Variants in PAAF1 observed in about 807,000 individuals in gnomAD.
The protein encoded by PAAF1 is proteasomal ATPase-associated factor 1.
PAAF1 carries 46 observed loss-of-function variants against 52.8 expected under a neutral mutation model. The observed-to-expected ratio is 0.87, with a 90% CI of 0.69 to 1.11. The LOEUF (loss-of-function observed/expected upper bound fraction) is 1.11, where lower values mean the gene tolerates loss of function less well. Ranked by LOEUF, PAAF1 falls within the 50% of genes most tolerant of loss-of-function variation. PAAF1 has a pLI of 0.00. For missense variants in PAAF1, 424 were observed against 477.4 expected, an observed-to-expected ratio of 0.89 and a Z score of 1.04; for synonymous variants, 178 against 172.8, an observed-to-expected ratio of 1.03 and a Z score of -0.24.
intron 6 of PAAF1, 105 bp downstream of exon 6, chr11:73,900,525 A>T: frequency 7.5e-7 from 1 of 1,331,928 alleles, no homozygotes; most frequent in Non-Finnish European, 1.0e-6. Context: ...CAAATAATCC[A>T]TCCAGCTGGG....
intron 10 of PAAF1, among the ~76,000 whole-genome samples, chr11:73,922,816 CAAAA>C (rs372724683): frequency 7.7e-5 from 6 of 77,706 alleles, no homozygotes; most frequent in Non-Finnish European, 1.4e-4. Flanking sequence ...GACTCCGTCT[CAAAA>C]AAAAAAAAAA....
chr11:73,895,459 G>C (rs1949319612), intron 4 of PAAF1, among the ~76,000 whole-genome samples: 1 of 152,206 alleles, frequency 6.6e-6, no homozygotes, highest in African/African-American at 2.4e-5. Context: ...TACTAAGTTA[G>C]CAGTCCTTTT....
Position 73,909,461 on chromosome 11 carries a change from A to T in PAAF1, c.595A>T (p.Thr199Ser). Residue 199 changes from threonine to serine, a missense_variant, in exon 7 of 12, where the codon ACA (threonine) becomes TCA (serine). Transcript: ENST00000310571. ...TGTGGTGTCTGCTTCTCGAGATGGG[A>T]CAGCACGACTTTGGGATTGTGGGCG... The part of the protein sequence containing the change: ...RNVVSASRDG[T>S]ARLWDCGRSA... 6.2e-7 allele frequency: 1 copy of T among 1,614,072 alleles called. No homozygotes were observed. Among genetic ancestry groups the T allele is most frequent in the Middle Eastern group, 1.6e-4 (1 of 6,062 alleles).
intron 6 of PAAF1, among the ~76,000 whole-genome samples, chr11:73,906,258 T>A (rs903481975): frequency 7.2e-6 from 1 of 139,710 alleles, no homozygotes; most frequent in Admixed American, 7.2e-5. Context: ...TTTAGTTTTG[T>A]TTGTTTGTTT....
intron 4 of PAAF1, among the ~76,000 whole-genome samples, chr11:73,892,162 A>G (rs1949218197): frequency 6.6e-6 from 1 of 152,082 alleles, no homozygotes; most frequent in Non-Finnish European, 1.5e-5. Flanking sequence ...GTCTCTACAG[A>G]AAAATACAAA....
rs979004585 is a variant in PAAF1 at position 73,929,375 on chromosome 11, ATTT to A, written c.*2018_*2020del. 2.0e-5 allele frequency: 3 copies of A among 152,056 alleles called. No individual in the cohort carries two copies. Among genetic ancestry groups the A allele is most frequent in the African/African-American group, 7.2e-5 (3 of 41,402 alleles). 9.4% of individuals were successfully genotyped at this position (152,056 alleles called of 1,614,324 possible). A position where few individuals can be genotyped will look rare whatever the true frequency, so the allele number is the denominator to read the frequency against. On this transcript the variant is annotated 3_prime_UTR_variant, in exon 12 of 12. Transcript: ENST00000310571. ...GAACTTTGTCTTAACTTTAAATCCC[ATTT>A]TTTTCTACAACACCCTGTTACTTAA...
intron 2 of PAAF1, chr11:73,879,960 C>A (rs116700386): frequency 6.6e-6 from 1 of 151,574 alleles, no homozygotes; most frequent in Non-Finnish European, 1.5e-5. Flanking sequence ...AAAAATAAGG[C>A]CAGACGTGGG....
chr11:73,887,840 C>T (rs893854264), intron 3 of PAAF1, among the ~76,000 whole-genome samples: 2 of 152,154 alleles, frequency 1.3e-5, no homozygotes. Flanking sequence ...ACTTCTGTCT[C>T]CTGGGTTCAA....
chr11:73,924,988 A>G (rs113283921), intron 11 of PAAF1, among the ~76,000 whole-genome samples: 3,925 of 151,880 alleles, frequency 0.026, 173 homozygotes, highest in African/African-American at 0.09. Context: ...CCCCGTCTCT[A>G]CTAAAAATAC....
chr11:73,896,081 C>G (rs1350282662), intron 4 of PAAF1, among the ~76,000 whole-genome samples: 2 of 152,024 alleles, frequency 1.3e-5, no homozygotes, highest in Non-Finnish European at 2.9e-5. Flanking sequence ...TGCACTTCAG[C>G]CTGAGCAACA....
chr11:73,893,738 CAAAAAAAAAA>C (rs564348245), intron 4 of PAAF1, among the ~76,000 whole-genome samples: 5 of 71,972 alleles, frequency 6.9e-5, no homozygotes, highest in Admixed American at 3.3e-4. Flanking sequence ...ACTCTGTCTC[CAAAAAAAAAA>C]AAAAAAAAAA....
At chr11:73,879,700 C>CCCCA (rs1948839614) in intron 2 of PAAF1, 1 of 149,928 alleles carries the variant, frequency 6.7e-6, no homozygotes, top group Admixed American at 6.7e-5. Flanking sequence ...ACCCCCTCCC[C>CCCCA]ATCTCTATAA....
intron 10 of PAAF1, among the ~76,000 whole-genome samples, chr11:73,919,711 T>C (rs2135226603): frequency 6.6e-6 from 1 of 152,232 alleles, no homozygotes. Flanking sequence ...TGGAGCAAAG[T>C]GTACATTAAG....
At chr11:73,925,561 A>G (rs1950332943) in intron 11 of PAAF1, among the ~76,000 whole-genome samples, 1 of 152,148 alleles carries the variant, frequency 6.6e-6, no homozygotes, top group Non-Finnish European at 1.5e-5. Flanking sequence ...CTGTAAAGAT[A>G]GTAATCTGAA....
At chr11:73,921,920 C>T in intron 10 of PAAF1, 1 of 1,088,066 alleles carries the variant, frequency 9.2e-7, no homozygotes, top group Non-Finnish European at 1.4e-6. Context: ...TCTTTCTCAC[C>T]TTGGCTTTTG....
intron 4 of PAAF1, among the ~76,000 whole-genome samples, chr11:73,895,088 C>T (rs1490074291): frequency 6.6e-6 from 1 of 152,152 alleles, no homozygotes; most frequent in Non-Finnish European, 1.5e-5. Flanking sequence ...ATATTTCAGC[C>T]AGTCTTCTGG....
intron 9 of PAAF1, among the ~76,000 whole-genome samples, chr11:73,918,352 A>AT (rs1157984685): frequency 0.069 from 4,960 of 71,534 alleles, 696 homozygotes; most frequent in Non-Finnish European, 0.099. Context: ...CAGTTACTTA[A>AT]TTTTTTTTTT....
rs747324320 is a variant in PAAF1 at position 73,916,671 on chromosome 11, A to C, written c.935+11A>C. The C allele has an allele frequency of 6.3e-7, 1 of 1,588,616 alleles. No homozygotes were observed. The highest frequency in any genetic ancestry group is 2.2e-5 in the East Asian group (1 of 44,720). ...TGTGAGGAGTCCAAGGTGAGTCACC[A>C]TTCATTTACATGATGCAGGTCTTCT... On this transcript the variant is annotated intron_variant, in intron 9 of 11. Transcript: ENST00000310571.
intron 11 of PAAF1, 81 bp downstream of exon 11, chr11:73,924,778 TGTG>T: frequency 8.8e-7 from 1 of 1,139,552 alleles, no homozygotes; most frequent in South Asian, 1.3e-5. Context: ...CCAGATACCT[TGTG>T]GTCATTAGGG....
Sources: gnomAD v4.1 joint callset for allele counts (sites outside exome capture counted in the v4.1 genomes callset) on GRCh38, gnomAD v4.1.1 for gene constraint, MANE v1.5 for transcripts, NCBI Gene and HGNC (gene_info 2026-07-23, HGNC 2026-07-21) for gene names.